Variants in DNAAF4 observed in about 807,000 individuals in gnomAD.
DNAAF4 encodes dynein axonemal assembly factor 4.
DNAAF4 carries 43 observed loss-of-function variants against 51.8 expected under a neutral mutation model. That is an observed-to-expected ratio of 0.83 (90% confidence interval 0.65 to 1.07). The LOEUF is 1.07. Ranked by LOEUF, DNAAF4 falls within the 50% of genes least tolerant of loss-of-function variation. DNAAF4 has a pLI of 0.00. For synonymous variants in DNAAF4, 194 were observed against 165.6 expected (o/e 1.17, Z -1.32); for missense variants, 581 against 493.0 (o/e 1.18, Z -1.69).
intron 1 of DNAAF4, among the ~76,000 whole-genome samples, chr15:55,501,013 A>AGT (rs1555422053): frequency 2.1e-5 from 3 of 142,548 alleles, no homozygotes; most frequent in African/African-American, 8.1e-5. Flanking sequence ...AAAAAAAAAA[A>AGT]TGGAAACTTA....
chr15:55,464,256 G>A (rs1200171717), intron 5 of DNAAF4, among the ~76,000 whole-genome samples: 2 of 152,150 alleles, frequency 1.3e-5, no homozygotes, highest in East Asian at 1.9e-4. Flanking sequence ...ACCACATGTA[G>A]GGGTATGAAA....
intron 7 of DNAAF4, chr15:55,418,644 CT>C: frequency 9.9e-7 from 1 of 1,005,420 alleles, no homozygotes; most frequent in Non-Finnish European, 1.4e-6. Flanking sequence ...GGTAGAATAC[CT>C]AATAAAGAAG....
chr15:55,458,238 C>A (rs1351010991), intron 5 of DNAAF4, among the ~76,000 whole-genome samples: 2 of 152,010 alleles, frequency 1.3e-5, no homozygotes, highest in Non-Finnish European at 2.9e-5. Context: ...TATTAAGCTC[C>A]TCAAGAAGGC....
At chr15:55,476,771 G>C (rs2058340310) in intron 4 of DNAAF4, among the ~76,000 whole-genome samples, 1 of 152,062 alleles carries the variant, frequency 6.6e-6, no homozygotes, top group Admixed American at 6.6e-5. Context: ...ACATAAAATA[G>C]TCAAATTCAT....
In DNAAF4 at chr15:55,493,210, C is replaced by T. The variant is rs549017340; in HGVS notation, c.272-1954G>A. 1.8e-4 allele frequency among the ~76,000 whole-genome samples: 27 copies of T among 152,298 alleles called. No individual in the cohort carries two copies. The East Asian group carries it at 4.2e-3, about 24-fold the overall frequency. ...ACCTTGATCTGGACTTCCCAGCCTA[C>T]AGGAGTGTGAGAAATAAAGTTCTGT... On this transcript the variant is annotated intron_variant, in intron 3 of 9. Coordinates refer to ENST00000321149, the MANE Select transcript of DNAAF4 (RefSeq NM_130810.4).
chr15:55,432,538 C>A lies in DNAAF4; in HGVS notation c.1112G>T (p.Arg371Leu). Residue 371 changes from arginine to leucine, a missense_variant, in exon 9 of 10, where the codon CGA becomes CTA. Coordinates refer to ENST00000321149, the MANE Select transcript of DNAAF4 (RefSeq NM_130810.4). Reference protein sequence around the residue: ...NANARMKAHVRRGTAFCQLEL... With the variant: ...NANARMKAHVLRGTAFCQLEL... ...TAGTTGACAGAATGCTGTTCCACGT[C>A]GTACATGTGCCTTCATTCTTGCATT... is the stretch of plus-strand genomic sequence containing the variant. The A allele has an allele frequency of 1.2e-6, 2 of 1,612,512 alleles. No individual in the cohort carries two copies. The highest frequency in any genetic ancestry group is 1.1e-5 in the South Asian group (1 of 90,862).
chr15:55,477,044 C>T (rs995380045), intron 4 of DNAAF4, among the ~76,000 whole-genome samples: 8 of 151,944 alleles, frequency 5.3e-5, no homozygotes, highest in Non-Finnish European at 5.9e-5. Context: ...TGGTGGCATA[C>T]GCCTGTAATC....
At chr15:55,440,613 AC>A (rs1053883921) in intron 6 of DNAAF4, among the ~76,000 whole-genome samples, 7 of 150,774 alleles carry the variant, frequency 4.6e-5, no homozygotes, top group Non-Finnish European at 8.9e-5. Flanking sequence ...TGATCTGCCC[AC>A]CTCGGCCTCC....
chr15:55,458,725 T>A (rs923240750), intron 5 of DNAAF4, among the ~76,000 whole-genome samples: 1 of 152,158 alleles, frequency 6.6e-6, no homozygotes, highest in Non-Finnish European at 1.5e-5. Context: ...GATCATTGCC[T>A]AGGCACATAG....
rs773610434 is a variant in DNAAF4 at position 55,439,516 on chromosome 15, T to A, written c.849A>T (p.Leu283Phe). 6 of 1,614,142 alleles carry A rather than the reference T, an allele frequency of 3.7e-6. No individual in the cohort carries two copies. The African/African-American group carries it at 6.7e-5, about 18-fold the overall frequency. The part of the protein sequence containing the change: ...MNTDIAELCD[L>F]KEEEKNPEWL... The stretch of plus-strand genomic sequence containing the variant: ...ATTCTGGGTTCTTTTCTTCTTCTTT[T>A]AAATCGCAAAGTTCAGCTATGTCAG... The change falls in exon 7 of 10, where the codon TTA becomes TTT. Residue 283 changes from leucine (L) to phenylalanine (F), a missense_variant. Coordinates refer to ENST00000321149, the MANE Select transcript of DNAAF4 (RefSeq NM_130810.4).
chr15:55,497,627 T>C (rs779953563), intron 3 of DNAAF4, 85 bp downstream of exon 3: 5 of 1,470,978 alleles, frequency 3.4e-6, no homozygotes, highest in Non-Finnish European at 4.6e-6. Flanking sequence ...CCCTACACAA[T>C]ATAGGTGCTT....
intron 7 of DNAAF4, among the ~76,000 whole-genome samples, chr15:55,436,711 G>A (rs2057617805): frequency 6.6e-6 from 1 of 151,968 alleles, no homozygotes; most frequent in South Asian, 2.1e-4. Context: ...GTAGAAATTG[G>A]GTTTCACCAT....
Position 55,430,503 on chromosome 15 carries a change from A to C in DNAAF4, c.*167T>G. On this transcript the variant is annotated 3_prime_UTR_variant, in exon 10 of 10. Coordinates refer to ENST00000321149, the MANE Select transcript of DNAAF4 (RefSeq NM_130810.4). Reference sequence around the variant, plus strand: ...ATTTAGATTTACTTATTCAGAAATGATTCAAGTCAAACAGTTTATTTTCTA... The same window carrying C: ...ATTTAGATTTACTTATTCAGAAATGCTTCAAGTCAAACAGTTTATTTTCTA... 8.3e-7 allele frequency: 1 copy of C among 1,203,258 alleles called. No individual in the cohort carries two copies. The highest frequency in any genetic ancestry group is 1.0e-6 in the Non-Finnish European group (1 of 954,584). The allele number at this position is 1,203,258 out of a possible 1,614,324, so 74.5% of individuals were successfully genotyped here. A position where few individuals can be genotyped will look rare whatever the true frequency, so the allele number is the denominator to read the frequency against.
intron 4 of DNAAF4, among the ~76,000 whole-genome samples, chr15:55,469,148 T>G (rs913317394): frequency 6.6e-6 from 1 of 151,866 alleles, no homozygotes; most frequent in Non-Finnish European, 1.5e-5. Flanking sequence ...CTGGCCAACA[T>G]GGTGAAACCC....
At chr15:55,438,351 CA>C (rs35978344) in intron 7 of DNAAF4, among the ~76,000 whole-genome samples, 95,681 of 137,686 alleles carry the variant, frequency 0.69, 33,359 homozygotes, top group East Asian at 0.88. Flanking sequence ...GACTTTGTCT[CA>C]AAAAAAAAAA....
intron 6 of DNAAF4, among the ~76,000 whole-genome samples, chr15:55,448,393 A>G (rs1291571571): frequency 6.6e-6 from 1 of 150,378 alleles, no homozygotes; most frequent in East Asian, 2.0e-4. Context: ...ATTTTTCTGT[A>G]CTGAAAAATA....
rs146680607 is a variant in DNAAF4, at chr15:55,477,835, G to A, written c.406-10674C>T. ...AATCCCAGCACTTCAGGAGGCTGAG[G>A]CAGGTGGATCATTTAAGGTCAGGAA... On this transcript the variant is annotated intron_variant, in intron 4 of 9. Coordinates refer to ENST00000321149, the MANE Select transcript of DNAAF4 (RefSeq NM_130810.4). Among the ~76,000 whole-genome samples, 538 of 151,886 alleles carry A rather than the reference G, an allele frequency of 3.5e-3. 6 individuals carry two copies. The highest frequency in any genetic ancestry group is 0.012 in the African/African-American group (478 of 41,422).
At chr15:55,445,558 G>A (rs1057317478) in intron 6 of DNAAF4, among the ~76,000 whole-genome samples, 41 of 150,590 alleles carry the variant, frequency 2.7e-4, no homozygotes, top group African/African-American at 6.1e-4. Context: ...CTGTCTCTTC[G>A]GAGCTGTTGG....
At position 55,498,337 on chromosome 15, in the gene DNAAF4, G is replaced by A. The variant is rs2058668258; in HGVS notation, c.-8C>T. ...GCTAACCTGAAGAGGCATTCCGGTAGCAACGGGAGCGGATAGCGCGGCTGG... is the reference window on the plus strand; with the variant it reads ...GCTAACCTGAAGAGGCATTCCGGTAACAACGGGAGCGGATAGCGCGGCTGG... On this transcript the variant is annotated 5_prime_UTR_variant, in exon 2 of 10. Coordinates refer to ENST00000321149, the MANE Select transcript of DNAAF4 (RefSeq NM_130810.4). 1.9e-6 allele frequency: 3 copies of A among 1,596,796 alleles called. No homozygotes were observed. The highest frequency in any genetic ancestry group is 1.7e-6 in the Non-Finnish European group (2 of 1,169,780).
Sources: gnomAD v4.1 joint callset for allele counts (sites outside exome capture counted in the v4.1 genomes callset) on GRCh38, gnomAD v4.1.1 for gene constraint, MANE v1.5 for transcripts, NCBI Gene and HGNC (gene_info 2026-07-23, HGNC 2026-07-21) for gene names.